NTN1: variants seen among roughly 807,000 people sequenced by gnomAD.
The protein encoded by NTN1 is netrin 1, also known as netrin-1.
In NTN1, 11 loss-of-function variants were observed where a neutral mutation model predicts 54.2. The observed-to-expected ratio is 0.20, with a 90% CI of 0.13 to 0.34. The LOEUF (loss-of-function observed/expected upper bound fraction) is 0.34, where lower values mean the gene tolerates loss of function less well. NTN1 is among the 10% of genes least tolerant of loss of function. NTN1 has a pLI of 1.00. For missense variants in NTN1, 740 were observed against 893.1 expected, an observed-to-expected ratio of 0.83 and a Z score of 2.18; for synonymous variants, 371 against 382.0, an observed-to-expected ratio of 0.97 and a Z score of 0.33.
Position 9,224,400 on chromosome 17 carries a change from G to C in NTN1, c.1486+3158G>C, listed in dbSNP as rs116629121. The stretch of plus-strand genomic sequence containing the variant: ...TTGGGGCGGGGAAGGGTGGGGCAGA[G>C]CCTCAGGGTGCCATCGGACCCTCTG... On this transcript the variant is annotated intron_variant, in intron 6 of 6. Transcript: ENST00000173229. 8.1e-3 allele frequency among the ~76,000 whole-genome samples: 1,236 copies of C among 152,328 alleles called. 17 individuals are homozygous for C. The highest frequency in any genetic ancestry group is 0.028 in the African/African-American group (1,173 of 41,582).
intron 2 of NTN1, among the ~76,000 whole-genome samples, chr17:9,080,693 C>A (rs2092067718): frequency 6.6e-6 from 1 of 152,114 alleles, no homozygotes. Flanking sequence ...CTCTCCCTGC[C>A]CCACCTCCGG....
intron 2 of NTN1, among the ~76,000 whole-genome samples, chr17:9,072,933 C>G (rs2092037055): frequency 6.6e-6 from 1 of 152,180 alleles, no homozygotes. Context: ...TTTTTTCTTC[C>G]TCTTTCCTTC....
chr17:9,151,524 C>T (rs1013492230), intron 2 of NTN1, among the ~76,000 whole-genome samples: 1 of 152,198 alleles, frequency 6.6e-6, no homozygotes, highest in East Asian at 1.9e-4. Flanking sequence ...CACCCCTCTT[C>T]CACGGCATTT....
At chr17:9,134,549 G>A (rs1344383207) in intron 2 of NTN1, among the ~76,000 whole-genome samples, 1 of 152,214 alleles carries the variant, frequency 6.6e-6, no homozygotes, top group East Asian at 1.9e-4. Flanking sequence ...ATTAATCAGA[G>A]TCTCTGGGGT....
At chr17:9,145,956 AG>A (rs1178318303) in intron 2 of NTN1, among the ~76,000 whole-genome samples, 2 of 151,230 alleles carry the variant, frequency 1.3e-5, no homozygotes, top group East Asian at 1.9e-4. Flanking sequence ...GGTATTTAGA[AG>A]AACAGATGTG....
intron 2 of NTN1, among the ~76,000 whole-genome samples, chr17:9,081,740 G>A (rs1212197519): frequency 6.6e-6 from 1 of 152,232 alleles, no homozygotes; most frequent in Non-Finnish European, 1.5e-5. Context: ...AGGAGGCTGG[G>A]GGTCAGGGGT....
rs149004155 is a variant in NTN1, at chr17:9,063,800, G to A, written c.1018+40409G>A. On this transcript the variant is annotated intron_variant, in intron 2 of 6. Coordinates refer to ENST00000173229, the MANE Select transcript of NTN1 (RefSeq NM_004822.3). Reference sequence around the variant, plus strand: ...CCTGACCTCGTGATCCGCCCGCCTCGGCCTCCCAAAGTGCTAGGATTACAG... The same window carrying A: ...CCTGACCTCGTGATCCGCCCGCCTCAGCCTCCCAAAGTGCTAGGATTACAG... Among the ~76,000 whole-genome samples, 901 of 151,262 alleles carry A rather than the reference G, an allele frequency of 6.0e-3. 10 individuals carry two copies. The highest frequency in any genetic ancestry group is 0.02 in the African/African-American group (823 of 41,160).
Position 9,239,937 on chromosome 17 carries a change from G to C in NTN1, c.1784G>C (p.Arg595Pro). 7.4e-7 allele frequency: 1 copy of C among 1,356,484 alleles called. No homozygotes were observed. Among genetic ancestry groups the C allele is most frequent in the Non-Finnish European group, 9.8e-7 (1 of 1,020,930 alleles). 84.0% of individuals were successfully genotyped at this position (1,356,484 alleles called of 1,614,324 possible). A position where few individuals can be genotyped will look rare whatever the true frequency, so the allele number is the denominator to read the frequency against. The change falls in exon 7 of 7, where the codon CGT (arginine) becomes CCT (proline). Residue 595 changes from arginine (R) to proline (P), a missense_variant. By Grantham distance (103) the Arg-to-Pro change is moderately radical. Coordinates refer to ENST00000173229, the MANE Select transcript of NTN1 (RefSeq NM_004822.3). This position sits in a 1 kb window ranked among gnomAD's most constrained non-coding sequence, Gnocchi z 5.2. ...CGGCGGCTGCGCAAGTTCCAGCAGC[G>C]TGAGAAGAAGGGCAAGTGCAAGAAG... ...WARRLRKFQQ[R>P]EKKGKCKKA
intron 2 of NTN1, among the ~76,000 whole-genome samples, chr17:9,046,055 T>C (rs1321946350): frequency 6.6e-6 from 1 of 152,166 alleles, no homozygotes; most frequent in Non-Finnish European, 1.5e-5. Flanking sequence ...AATTGGACTT[T>C]ATCAAAATTT....
intron 5 of NTN1, among the ~76,000 whole-genome samples, chr17:9,185,312 G>A (rs2092430031): frequency 6.6e-6 from 1 of 151,852 alleles, no homozygotes. Flanking sequence ...GGGAAGCGGG[G>A]CCCGGGAGCT....
chr17:9,204,738 C>T (rs2142340849), intron 5 of NTN1, among the ~76,000 whole-genome samples: 1 of 152,306 alleles, frequency 6.6e-6, no homozygotes, highest in Admixed American at 6.5e-5. Flanking sequence ...ACACAGCTAC[C>T]CTCCCAAATA....
chr17:9,044,507 A>G (rs1597467870), intron 2 of NTN1, among the ~76,000 whole-genome samples: 1 of 152,172 alleles, frequency 6.6e-6, no homozygotes, highest in South Asian at 2.1e-4. Flanking sequence ...AAGTGCAGGC[A>G]TTATAGACAT....
At chr17:9,185,440 G>A (rs2092430435) in intron 5 of NTN1, among the ~76,000 whole-genome samples, 1 of 152,238 alleles carries the variant, frequency 6.6e-6, no homozygotes, top group Non-Finnish European at 1.5e-5. Flanking sequence ...TTAATAAGCT[G>A]AGAATTTGTT....
At chr17:9,205,868 G>A (rs552869229) in intron 5 of NTN1, among the ~76,000 whole-genome samples, 1 of 152,372 alleles carries the variant, frequency 6.6e-6, no homozygotes, top group South Asian at 2.1e-4. Context: ...CACCCGAACT[G>A]CCTCTTCCTA....
chr17:9,168,035 C>T (rs1300386623), intron 3 of NTN1, among the ~76,000 whole-genome samples: 1 of 151,928 alleles, frequency 6.6e-6, no homozygotes, highest in East Asian at 1.9e-4. Context: ...CCTGGAGATT[C>T]TAATGTGTAA....
At chr17:9,196,928 G>A (rs1020890337) in intron 5 of NTN1, among the ~76,000 whole-genome samples, 4 of 152,148 alleles carry the variant, frequency 2.6e-5, no homozygotes, top group Non-Finnish European at 5.9e-5. Context: ...AGGGCCGACT[G>A]TGCATCTCTT....
chr17:9,047,611 C>G (rs2091945062), intron 2 of NTN1, among the ~76,000 whole-genome samples: 1 of 151,932 alleles, frequency 6.6e-6, no homozygotes, highest in African/African-American at 2.4e-5. Context: ...TTTTGAACTC[C>G]TTAATGTTAT....
chr17:9,213,013 C>G (rs1905144947), intron 5 of NTN1, among the ~76,000 whole-genome samples: 1 of 152,212 alleles, frequency 6.6e-6, no homozygotes, highest in Non-Finnish European at 1.5e-5. Context: ...GGCCAGCTAC[C>G]CAAGGTGGAG....
chr17:9,133,375 G>T (rs1023597732), intron 2 of NTN1, among the ~76,000 whole-genome samples: 1 of 152,208 alleles, frequency 6.6e-6, no homozygotes, highest in Non-Finnish European at 1.5e-5. Context: ...GGAAGGATCT[G>T]GGCAGCCCAG....
Sources: gnomAD v4.1 joint callset for allele counts (sites outside exome capture counted in the v4.1 genomes callset) on GRCh38, gnomAD v4.1.1 for gene constraint, Gnocchi (gnomAD v3.1) non-coding constraint, MANE v1.5 for transcripts, NCBI Gene and HGNC (gene_info 2026-07-23, HGNC 2026-07-21) for gene names.